The following SLC67A1 variants were observed in gnomAD, a reference collection of about 807,000 sequenced individuals.
SLC67A1 encodes the protein solute carrier family 67 member A1.
At chr11:2,902,851 T>A in the SLC67A1 span, 3 of 652,924 alleles carry the variant, frequency 4.6e-6, no homozygotes, top group African/African-American at 5.9e-5. Context: ...CTGCACTGTG[T>A]TGGGGACAGG....
chr11:2,918,673 TG>T, the SLC67A1 span, among the ~76,000 whole-genome samples: 1 of 151,914 alleles, frequency 6.6e-6, no homozygotes, highest in South Asian at 2.1e-4. Context: ...TTCTCAAAAC[TG>T]GAACCCAAGT....
chr11:2,914,597 C>A, the SLC67A1 span: 3 of 589,138 alleles, frequency 5.1e-6, no homozygotes, highest in Non-Finnish European at 6.4e-6. Flanking sequence ...CAGGGTCCCC[C>A]AGCCCCAGGC....
chr11:2,902,468 G>A, the SLC67A1 span: 25 of 423,598 alleles, frequency 5.9e-5, no homozygotes, highest in South Asian at 1.1e-4. Context: ...CGTGCCTGCT[G>A]CGGCTGCCCT....
the SLC67A1 span, chr11:2,903,576 G>C: frequency 6.8e-7 from 1 of 1,481,434 alleles, no homozygotes; most frequent in South Asian, 1.2e-5. Flanking sequence ...CGCAGAGAGT[G>C]GGGGTGGGGG....
the SLC67A1 span, among the ~76,000 whole-genome samples, chr11:2,910,922 A>G: frequency 6.6e-6 from 1 of 152,112 alleles, no homozygotes; most frequent in South Asian, 2.1e-4. Context: ...GATAAGGGGG[A>G]GAAATGGGGT....
the SLC67A1 span, among the ~76,000 whole-genome samples, chr11:2,917,736 T>A: frequency 6.6e-6 from 1 of 152,232 alleles, no homozygotes; most frequent in East Asian, 1.9e-4. Context: ...AGAGAATGCT[T>A]TTCCTAAGTG....
At chr11:2,916,577 GGC>G in the SLC67A1 span, 1 of 1,471,610 alleles carries the variant, frequency 6.8e-7, no homozygotes, top group Middle Eastern at 2.2e-4. Context: ...GGGGCGCCTG[GGC>G]CCTGGGACCC....
the SLC67A1 span, among the ~76,000 whole-genome samples, chr11:2,922,724 G>T: frequency 2.0e-5 from 3 of 151,576 alleles, no homozygotes; most frequent in African/African-American, 4.8e-5. Context: ...GTCTGTGTGG[G>T]ATGAGTAAGG....
the SLC67A1 span, among the ~76,000 whole-genome samples, chr11:2,901,312 C>T: frequency 6.6e-6 from 1 of 152,144 alleles, no homozygotes; most frequent in Admixed American, 6.5e-5. Flanking sequence ...TGGCTCTGGC[C>T]CCCCTGCCCA....
the SLC67A1 span, chr11:2,922,475 C>T: frequency 1.9e-6 from 3 of 1,612,402 alleles, no homozygotes; most frequent in South Asian, 1.1e-5. Flanking sequence ...CCTCCTGGTG[C>T]CCGGCCTGGT....
the SLC67A1 span, chr11:2,909,370 G>C: frequency 6.6e-7 from 1 of 1,504,616 alleles, no homozygotes. Context: ...GGGCCGGGGG[G>C]ACTGGAGTCC....
chr11:2,909,133 T>A, the SLC67A1 span: 9 of 1,408,438 alleles, frequency 6.4e-6, no homozygotes, highest in East Asian at 8.3e-5. Context: ...GGGCAGCCCC[T>A]GGACGGGGGG....
At chr11:2,909,430 G>A in the SLC67A1 span, 2 of 1,455,898 alleles carry the variant, frequency 1.4e-6, no homozygotes, top group South Asian at 2.7e-5. Context: ...GACACCTCCA[G>A]GGAGGTCTGC....
At chr11:2,916,970 G>C in the SLC67A1 span, 56 of 575,342 alleles carry the variant, frequency 9.7e-5, no homozygotes, top group Non-Finnish European at 1.6e-4. Context: ...GGCCCAGAGA[G>C]GCAGGAAGGC....
the SLC67A1 span, chr11:2,903,431 C>T: frequency 6.2e-7 from 1 of 1,613,182 alleles, no homozygotes; most frequent in Non-Finnish European, 8.5e-7. Context: ...ATCTTGCTTA[C>T]CTACGTGCTG....
At chr11:2,919,460 G>A in the SLC67A1 span, 4 of 1,338,364 alleles carry the variant, frequency 3.0e-6, no homozygotes, top group South Asian at 4.7e-5. Context: ...CTCCAGTGGG[G>A]CAGGCCTCTG....
chr11:2,922,174 C>A, the SLC67A1 span: 6 of 1,613,530 alleles, frequency 3.7e-6, no homozygotes, highest in Non-Finnish European at 5.1e-6. Context: ...GGCCAGCGTG[C>A]TGGTCTTCAT....
At chr11:2,908,059 C>G in the SLC67A1 span, among the ~76,000 whole-genome samples, 2 of 152,148 alleles carry the variant, frequency 1.3e-5, no homozygotes, top group African/African-American at 4.8e-5. Context: ...CAGGCTTCCG[C>G]CTAGGAGAAG....
At chr11:2,903,796 C>A in the SLC67A1 span, 5 of 404,030 alleles carry the variant, frequency 1.2e-5, no homozygotes, top group South Asian at 1.5e-4. Context: ...GCCTCTCACC[C>A]GGCAGCCTTT....
Sources: gnomAD v4.1 joint callset for allele counts (sites outside exome capture counted in the v4.1 genomes callset) on GRCh38, gnomAD v4.1.1 for gene constraint, MANE v1.5 for transcripts, NCBI Gene and HGNC (gene_info 2026-07-23, HGNC 2026-07-21) for gene names.